The following HORMAD2 variants were observed in gnomAD, a reference collection of about 807,000 sequenced individuals.
HORMAD2 encodes HORMA domain containing 2, also known as HORMA domain-containing protein 2.
In HORMAD2, 45 loss-of-function variants were observed where a neutral mutation model predicts 38.8. The ratio of observed to expected loss-of-function variants is 1.16; its 90% CI spans 0.91 to 1.49. The LOEUF is 1.49. HORMAD2 is among the 40% of genes most tolerant of loss of function. The pLI is 0.00. For missense variants in HORMAD2, 338 were observed against 367.0 expected, an observed-to-expected ratio of 0.92 and a Z score of 0.65; for synonymous variants, 126 against 122.8, an observed-to-expected ratio of 1.03 and a Z score of -0.17.
At chr22:30,139,509 G>A (rs182473749) in intron 10 of HORMAD2, among the ~76,000 whole-genome samples, 1 of 151,378 alleles carries the variant, frequency 6.6e-6, no homozygotes, top group East Asian at 1.9e-4. Flanking sequence ...GGATTCCTGA[G>A]GATTTTCTAT....
chr22:30,078,055 G>A (rs2068405083), upstream of HORMAD2, among the ~76,000 whole-genome samples: 1 of 152,120 alleles, frequency 6.6e-6, no homozygotes, highest in African/African-American at 2.4e-5. Context: ...CAGGCACAGG[G>A]GCTTATTAAT....
intron 3 of HORMAD2, among the ~76,000 whole-genome samples, chr22:30,102,262 C>T (rs1484476302): frequency 6.6e-6 from 1 of 152,080 alleles, no homozygotes; most frequent in Non-Finnish European, 1.5e-5. Context: ...TTGTCTAGAA[C>T]ATAGAATTGA....
intron 10 of HORMAD2, among the ~76,000 whole-genome samples, chr22:30,131,406 T>A (rs923090350): frequency 1.3e-5 from 2 of 152,342 alleles, no homozygotes; most frequent in Non-Finnish European, 2.9e-5. Context: ...TACTTATGTG[T>A]CTTTATACCT....
chr22:30,097,446 A>T (rs1281054178), intron 2 of HORMAD2, among the ~76,000 whole-genome samples: 1 of 152,220 alleles, frequency 6.6e-6, no homozygotes, highest in Admixed American at 6.5e-5. Context: ...ACACACATAA[A>T]ATTTAGCAGG....
At chr22:30,145,896 C>T (rs1924382118) in intron 10 of HORMAD2, among the ~76,000 whole-genome samples, 1 of 152,136 alleles carries the variant, frequency 6.6e-6, no homozygotes, top group African/African-American at 2.4e-5. Flanking sequence ...GCCAGAATTA[C>T]CCTGATACTA....
chr22:30,091,527 A>G (rs759024296), intron 1 of HORMAD2, among the ~76,000 whole-genome samples: 29 of 151,990 alleles, frequency 1.9e-4, no homozygotes, highest in Non-Finnish European at 3.5e-4. Context: ...CAACCTCCCA[A>G]AGTGCTGGGA....
At chr22:30,197,188 G>T in the HORMAD2 span, among the ~76,000 whole-genome samples, 2 of 151,986 alleles carry the variant, frequency 1.3e-5, no homozygotes, top group African/African-American at 4.8e-5. Context: ...GGTTGGATGT[G>T]AAAAGGGTTG....
chr22:30,200,610 C>T, the HORMAD2 span, among the ~76,000 whole-genome samples: 1 of 151,828 alleles, frequency 6.6e-6, no homozygotes, highest in African/African-American at 2.4e-5. Flanking sequence ...AGGGTACAAC[C>T]ATGTGATTGC....
intron 2 of HORMAD2, among the ~76,000 whole-genome samples, chr22:30,098,446 A>G (rs1328341389): frequency 6.6e-6 from 1 of 152,230 alleles, no homozygotes; most frequent in Non-Finnish European, 1.5e-5. Flanking sequence ...AAGAAGTTAC[A>G]TATTATGAGG....
intron 5 of HORMAD2, among the ~76,000 whole-genome samples, chr22:30,111,239 A>C (rs1314173863): frequency 1.3e-5 from 2 of 151,982 alleles, no homozygotes; most frequent in Non-Finnish European, 2.9e-5. Flanking sequence ...TAATTCCAGC[A>C]CTTTGGGAGG....
At chr22:30,147,845 C>T (rs78781635) in intron 10 of HORMAD2, among the ~76,000 whole-genome samples, 11,843 of 152,144 alleles carry the variant, frequency 0.078, 535 homozygotes, top group African/African-American at 0.092. Flanking sequence ...CGTGGTGGCT[C>T]ACATCTGTAA....
chr22:30,207,402 G>T, the HORMAD2 span, among the ~76,000 whole-genome samples: 1 of 152,134 alleles, frequency 6.6e-6, no homozygotes, highest in Admixed American at 6.5e-5. Context: ...AATGTCCCAG[G>T]CTCTTAAAAG....
chr22:30,169,003 T>C lies in HORMAD2; in HGVS notation c.820-7060T>C, dbSNP rs138243757. 4.6e-5 allele frequency among the ~76,000 whole-genome samples: 7 copies of C among 152,326 alleles called. No individual in the cohort carries two copies. In the East Asian group the frequency reaches 1.3e-3, roughly 29 times the overall value. On this transcript the variant is annotated intron_variant, in intron 10 of 10. Transcript: ENST00000336726. ...CCTTCCTGTTAGCCCCATTGAGCTA[T>C]ACCCAATTCCCCAGAGGTATCCTGC... is the stretch of plus-strand genomic sequence containing the variant.
chr22:30,180,828 C>A (rs1448969519), downstream of HORMAD2, among the ~76,000 whole-genome samples: 1 of 148,526 alleles, frequency 6.7e-6, no homozygotes, highest in Non-Finnish European at 1.5e-5. Flanking sequence ...TCCTTTCCCC[C>A]CTTCCCTTCT....
chr22:30,117,004 T>C (rs986498412), intron 7 of HORMAD2, among the ~76,000 whole-genome samples: 7 of 152,236 alleles, frequency 4.6e-5, no homozygotes, highest in Non-Finnish European at 7.3e-5. Flanking sequence ...GTCTCTCCTA[T>C]TGTATTTACA....
chr22:30,093,884 A>G, intron 1 of HORMAD2, 32 bp from the exon 2 acceptor site: 2 of 1,066,412 alleles, frequency 1.9e-6, no homozygotes, highest in South Asian at 1.6e-5. Flanking sequence ...ATATTTGGCA[A>G]GGTCTCTAAT....
At chr22:30,098,082 G>C (rs1197147199) in intron 2 of HORMAD2, among the ~76,000 whole-genome samples, 1 of 152,170 alleles carries the variant, frequency 6.6e-6, no homozygotes, top group East Asian at 1.9e-4. Flanking sequence ...TTTTAGCCAG[G>C]GGTGGCAGAG....
upstream of HORMAD2, among the ~76,000 whole-genome samples, chr22:30,078,474 T>C (rs2068411984): frequency 6.6e-6 from 1 of 151,088 alleles, no homozygotes. Context: ...GGCATGGTGA[T>C]GCATGCCTGT....
At chr22:30,087,535 A>C (rs1407693095) in intron 1 of HORMAD2, among the ~76,000 whole-genome samples, 2 of 152,176 alleles carry the variant, frequency 1.3e-5, no homozygotes, top group African/African-American at 4.8e-5. Context: ...GCTATAAAGA[A>C]ATTTCTGAGA....
Sources: allele counts gnomAD v4.1 joint callset (sites outside exome capture counted in the v4.1 genomes callset), GRCh38; gene constraint gnomAD v4.1.1; transcripts MANE v1.5; gene names NCBI Gene and HGNC (gene_info 2026-07-23, HGNC 2026-07-21).